CNTNAP3B: variants seen among roughly 807,000 people sequenced by gnomAD.
CNTNAP3B encodes contactin associated protein family member 3B.
Under a neutral mutation model 108.9 loss-of-function variants are expected in CNTNAP3B, and 25 were observed. The ratio of observed to expected loss-of-function variants is 0.23; its 90% CI spans 0.17 to 0.32. The LOEUF is 0.32. Ranked by LOEUF, CNTNAP3B falls within the 10% of genes least tolerant of loss-of-function variation. The pLI, the probability that CNTNAP3B is intolerant of heterozygous loss-of-function variation, is 1.00. For missense variants in CNTNAP3B, 252 were observed against 1,210.4 expected, an observed-to-expected ratio of 0.21 and a Z score of 11.75; for synonymous variants, 103 against 473.4, an observed-to-expected ratio of 0.22 and a Z score of 10.16.
chr9:41,936,959 C>T (rs1824175030), intron 14 of CNTNAP3B, among the ~76,000 whole-genome samples: 1 of 152,418 alleles, frequency 6.6e-6, no homozygotes, highest in South Asian at 2.1e-4. Flanking sequence ...TAAAGTGATG[C>T]AAAGTAGACT....
At chr9:42,044,624 C>T (rs1320134811) in intron 3 of CNTNAP3B, among the ~76,000 whole-genome samples, 3 of 143,810 alleles carry the variant, frequency 2.1e-5, no homozygotes, top group African/African-American at 5.4e-5. Flanking sequence ...GGACAACCGA[C>T]TCAGACGGGG....
intron 3 of CNTNAP3B, among the ~76,000 whole-genome samples, chr9:42,014,626 TA>T (rs1826188854): frequency 9.6e-6 from 1 of 103,650 alleles, no homozygotes; most frequent in Non-Finnish European, 1.9e-5. Context: ...CTGTCTCTAC[TA>T]AAAATACAAA....
chr9:41,930,534 C>T (rs1301964079), intron 14 of CNTNAP3B, among the ~76,000 whole-genome samples: 2 of 151,782 alleles, frequency 1.3e-5, no homozygotes, highest in Non-Finnish European at 3.0e-5. Flanking sequence ...CAAAGTGAGA[C>T]CCTGTCTCAA....
chr9:42,053,988 CA>C (rs1202816261), intron 3 of CNTNAP3B, among the ~76,000 whole-genome samples: 1 of 151,918 alleles, frequency 6.6e-6, no homozygotes. Flanking sequence ...TATATCAACA[CA>C]AAGGTTTGAT....
At chr9:41,940,792 GC>G (rs1824317894) in intron 13 of CNTNAP3B, among the ~76,000 whole-genome samples, 1 of 152,090 alleles carries the variant, frequency 6.6e-6, no homozygotes, top group South Asian at 2.1e-4. Flanking sequence ...TCCAGCCAGG[GC>G]GACAGAGTGA....
chr9:41,948,444 T>C (rs1175938012), intron 13 of CNTNAP3B, among the ~76,000 whole-genome samples: 3 of 151,098 alleles, frequency 2.0e-5, no homozygotes, highest in Non-Finnish European at 4.4e-5. Context: ...TTACATAATC[T>C]CTTCCAGAAA....
chr9:42,090,567 CTA>C, intron 2 of CNTNAP3B, among the ~76,000 whole-genome samples: 1 of 131,908 alleles, frequency 7.6e-6, no homozygotes, highest in South Asian at 2.5e-4. Context: ...CTGACTATAC[CTA>C]TATGTCAGTA....
At chr9:41,979,944 CTTTTTTTTTTTTT>C (rs1214654461) in intron 9 of CNTNAP3B, 6 of 42,390 alleles carry the variant, frequency 1.4e-4, no homozygotes, top group Admixed American at 4.1e-4. Context: ...TTGAGGAAAC[CTTTTTTTTTTTTT>C]TTTTTTTTTT....
chr9:42,024,737 C>T (rs1329394124), intron 3 of CNTNAP3B, among the ~76,000 whole-genome samples: 1 of 131,454 alleles, frequency 7.6e-6, no homozygotes, highest in Admixed American at 7.6e-5. Flanking sequence ...ACATATAAAG[C>T]TGTCTGCTTC....
chr9:41,928,365 ATCTCAGATGAGGAGCCCCCAGACAAGGG>A (rs1437078327), intron 15 of CNTNAP3B, among the ~76,000 whole-genome samples: 2 of 152,074 alleles, frequency 1.3e-5, no homozygotes, highest in Non-Finnish European at 2.9e-5. Context: ...GTAGGTTTGC[ATCTCAGATGAGGAGCCCCCAGACAAGGG>A]TCCGGGACTC....
chr9:42,058,362 C>T (rs1011829443), intron 3 of CNTNAP3B, among the ~76,000 whole-genome samples: 6 of 151,738 alleles, frequency 4.0e-5, no homozygotes, highest in Non-Finnish European at 7.4e-5. Flanking sequence ...TTCTTCACAT[C>T]TTCATCGACA....
chr9:41,995,618 G>C (rs1304723957), intron 7 of CNTNAP3B, among the ~76,000 whole-genome samples: 14 of 118,350 alleles, frequency 1.2e-4, no homozygotes, highest in Admixed American at 3.4e-4. Flanking sequence ...GTAGTCCCAG[G>C]TACTCGGGAG....
At chr9:41,940,180 G>C (rs1824291636) in intron 13 of CNTNAP3B, among the ~76,000 whole-genome samples, 1 of 152,412 alleles carries the variant, frequency 6.6e-6, no homozygotes. Context: ...TGCTGAAAGA[G>C]TACTGAAAAA....
chr9:42,107,599 G>C lies in CNTNAP3B; in HGVS notation c.86-2860C>G, dbSNP rs1203732614. Among the ~76,000 whole-genome samples, 2 of 124,718 alleles carry C rather than the reference G, an allele frequency of 1.6e-5. 1 individual carries two copies. The highest frequency in any genetic ancestry group is 6.6e-5 in the African/African-American group (2 of 30,150). 81.8% of individuals were successfully genotyped at this position (124,718 alleles called of 152,430 possible). ...TCCATTTCGCCTTTGGAAAATTCAA[G>C]AGTCAATAGCATCTGTCTGCCAAAG... On this transcript the variant is annotated intron_variant, in intron 1 of 23. Transcript: ENST00000377561.
At chr9:42,108,047 C>A (rs1323458367) in intron 1 of CNTNAP3B, among the ~76,000 whole-genome samples, 1 of 136,738 alleles carries the variant, frequency 7.3e-6, no homozygotes, top group Non-Finnish European at 1.6e-5. Context: ...ATATCTGGTA[C>A]CTAAGTTTAT....
chr9:42,118,147 A>G (rs202072622), intron 1 of CNTNAP3B, among the ~76,000 whole-genome samples: 31 of 137,500 alleles, frequency 2.3e-4, no homozygotes, highest in Non-Finnish European at 2.8e-4. Context: ...ATCAACAGAA[A>G]AAGAGGGAAT....
chr9:42,054,114 G>A (rs528099314), intron 3 of CNTNAP3B, among the ~76,000 whole-genome samples: 1 of 134,954 alleles, frequency 7.4e-6, no homozygotes, highest in African/African-American at 2.9e-5. Flanking sequence ...ATTACCCATT[G>A]TTCAGTCTAC....
intron 6 of CNTNAP3B, among the ~76,000 whole-genome samples, chr9:41,997,233 C>T (rs1825915525): frequency 6.6e-6 from 1 of 151,194 alleles, no homozygotes; most frequent in Non-Finnish European, 1.5e-5. Flanking sequence ...CAGGAATCTG[C>T]ATAGTCAAAC....
At chr9:42,031,188 TA>T (rs1379513433) in intron 3 of CNTNAP3B, among the ~76,000 whole-genome samples, 1 of 91,622 alleles carries the variant, frequency 1.1e-5, no homozygotes, top group African/African-American at 4.7e-5. Flanking sequence ...TGAAAACTTT[TA>T]AATCACCTCT....
Sources: allele counts gnomAD v4.1 joint callset (sites outside exome capture counted in the v4.1 genomes callset), GRCh38; gene constraint gnomAD v4.1.1; transcripts MANE v1.5; gene names NCBI Gene and HGNC (gene_info 2026-07-23, HGNC 2026-07-21).